The following EXOC2 variants were observed in gnomAD, a reference collection of about 807,000 sequenced individuals.
EXOC2 encodes the protein SEC5-like 1.
In EXOC2, 70 loss-of-function variants were observed where a neutral mutation model predicts 131.8. That is an observed-to-expected ratio of 0.53 (90% CI 0.44 to 0.65). The LOEUF is 0.65. Among genes scored for constraint, EXOC2 ranks in the 30% least tolerant of loss-of-function variants. The probability of loss-of-function intolerance (pLI) is 0.00; values close to 1 mark genes in which losing one functional copy is unlikely to be tolerated. For synonymous variants in EXOC2, 411 were observed against 398.4 expected (o/e 1.03, Z -0.38); for missense variants, 923 against 1,108.6 (o/e 0.83, Z 2.38).
intron 17 of EXOC2, among the ~76,000 whole-genome samples, chr6:559,073 T>C (rs1262799535): frequency 1.3e-5 from 2 of 152,218 alleles, no homozygotes; most frequent in Non-Finnish European, 2.9e-5. Flanking sequence ...CAGTGAGTCA[T>C]CCAATTTAGA....
chr6:539,997 C>T (rs948065521), intron 22 of EXOC2, among the ~76,000 whole-genome samples: 2 of 152,166 alleles, frequency 1.3e-5, no homozygotes, highest in Admixed American at 6.5e-5. Context: ...GAAGTATTAA[C>T]ACAAAAAAGA....
chr6:659,915 G>C (rs1247930369), intron 1 of EXOC2, among the ~76,000 whole-genome samples: 1 of 151,138 alleles, frequency 6.6e-6, no homozygotes, highest in East Asian at 1.9e-4. Context: ...GGCGGGGACA[G>C]AACCCAGCCT....
At chr6:536,157 T>A (rs1017714366) in intron 22 of EXOC2, among the ~76,000 whole-genome samples, 1 of 152,020 alleles carries the variant, frequency 6.6e-6, no homozygotes, top group Non-Finnish European at 1.5e-5. Flanking sequence ...ATACCAGAGG[T>A]CCTAGTCCAT....
Position 629,882 on chromosome 6 carries a change from C to A in EXOC2, c.375G>T (p.Pro125=), listed in dbSNP as rs59477170. 1 of 1,614,050 alleles carries A rather than the reference C, an allele frequency of 6.2e-7. No homozygotes were observed. Among genetic ancestry groups the A allele is most frequent in the Admixed American group, 1.7e-5 (1 of 60,016 alleles). Residue 125 remains proline (P), a synonymous_variant, in exon 4 of 28, where the codon CCG becomes CCT. Coordinates refer to ENST00000230449, the MANE Select transcript of EXOC2 (RefSeq NM_018303.6). ...GGTTAGCAGGACGTAAGGACAAGGG[C>A]GGAATTCCTTTGTTCCTGTCAGTGC... ...DMRTDRNKGI[P]PLSLRPANPL... is the part of the protein sequence containing the mutation.
intron 11 of EXOC2, among the ~76,000 whole-genome samples, chr6:591,287 C>T (rs942818427): frequency 1.3e-5 from 2 of 152,074 alleles, no homozygotes; most frequent in African/African-American, 4.8e-5. Context: ...GCTTAAAATC[C>T]GTCAGCGACT....
At chr6:575,269 C>T (rs572324188) in intron 12 of EXOC2, among the ~76,000 whole-genome samples, 34 of 152,142 alleles carry the variant, frequency 2.2e-4, no homozygotes, top group South Asian at 1.2e-3. Context: ...GGATTAGAGA[C>T]GAGTTGTTTA....
At chr6:627,048 G>A (rs563517419) in intron 4 of EXOC2, among the ~76,000 whole-genome samples, 1 of 151,956 alleles carries the variant, frequency 6.6e-6, no homozygotes, top group South Asian at 2.1e-4. Context: ...AAAGACAGTA[G>A]GGATCCTGAC....
At chr6:523,494 C>T (rs566958066) in intron 23 of EXOC2, among the ~76,000 whole-genome samples, 1 of 152,338 alleles carries the variant, frequency 6.6e-6, no homozygotes, top group South Asian at 2.1e-4. Flanking sequence ...AATGTACTTT[C>T]TATCTGTACA....
intron 4 of EXOC2, among the ~76,000 whole-genome samples, chr6:622,520 T>C (rs1221627331): frequency 6.6e-6 from 1 of 152,116 alleles, no homozygotes; most frequent in African/African-American, 2.4e-5. Flanking sequence ...GAGCTGATGA[T>C]GTGAAGAAAG....
chr6:606,313 T>A (rs1760409072), intron 7 of EXOC2, among the ~76,000 whole-genome samples: 1 of 152,154 alleles, frequency 6.6e-6, no homozygotes. Flanking sequence ...ATATACCTAA[T>A]GTAAATGACG....
At chr6:593,649 A>G (rs537754739) in intron 10 of EXOC2, among the ~76,000 whole-genome samples, 1 of 152,376 alleles carries the variant, frequency 6.6e-6, no homozygotes, top group South Asian at 2.1e-4. Flanking sequence ...AATCAACTCC[A>G]AAAGCATGTC....
In EXOC2 at chr6:656,472, C is replaced by A. The variant is rs759841851; in HGVS notation, c.-43-18611G>T. 3.1e-6 allele frequency: 5 copies of A among 1,611,330 alleles called. No individual in the cohort carries two copies. The South Asian group carries it at 4.4e-5, about 14-fold the overall frequency. On this transcript the variant is annotated intron_variant, in intron 1 of 27. Transcript: ENST00000230449. ...CCTCAGCGTCCTCCAGCGCGGCAGG[C>A]GGATGCTCGCGTCGGAGGCGCGCAG... is the stretch of plus-strand genomic sequence containing the variant.
chr6:558,837 A>G (rs1757558540), intron 17 of EXOC2, among the ~76,000 whole-genome samples: 1 of 152,048 alleles, frequency 6.6e-6, no homozygotes, highest in African/African-American at 2.4e-5. Flanking sequence ...TAAAAAAAAA[A>G]TAAGTAAATG....
chr6:564,434 G>A, intron 15 of EXOC2, 111 bp downstream of exon 15: 1 of 1,442,438 alleles, frequency 6.9e-7, no homozygotes, highest in Admixed American at 1.9e-5. Flanking sequence ...GGAGGCAAAA[G>A]GACAAAAAGA....
At chr6:545,577 T>C (rs1204890089) in intron 22 of EXOC2, among the ~76,000 whole-genome samples, 1 of 152,182 alleles carries the variant, frequency 6.6e-6, no homozygotes, top group Admixed American at 6.5e-5. Context: ...GAAAAAGGCA[T>C]GCAAATTAAA....
chr6:672,693 G>A (rs547246279), intron 1 of EXOC2, among the ~76,000 whole-genome samples: 2 of 152,246 alleles, frequency 1.3e-5, no homozygotes, highest in African/African-American at 4.8e-5. Flanking sequence ...AGTTTGTTTA[G>A]CTTTTTCCTT....
intron 3 of EXOC2, among the ~76,000 whole-genome samples, chr6:630,852 C>A (rs542419031): frequency 6.6e-6 from 1 of 152,184 alleles, no homozygotes; most frequent in Non-Finnish European, 1.5e-5. Context: ...TTTCAAGGAA[C>A]GCATGGCTTG....
intron 1 of EXOC2, among the ~76,000 whole-genome samples, chr6:677,794 C>A (rs1764214170): frequency 6.6e-6 from 1 of 152,090 alleles, no homozygotes; most frequent in Non-Finnish European, 1.5e-5. Context: ...TATGTTCTTG[C>A]CATGCAATAA....
intron 1 of EXOC2, among the ~76,000 whole-genome samples, chr6:674,688 A>G (rs997027642): frequency 6.6e-5 from 10 of 151,912 alleles, no homozygotes; most frequent in African/African-American, 2.4e-4. Flanking sequence ...TGTGGTACAA[A>G]AAGTCCTGGC....
Sources: allele counts gnomAD v4.1 joint callset (sites outside exome capture counted in the v4.1 genomes callset), GRCh38; gene constraint gnomAD v4.1.1; transcripts MANE v1.5; gene names NCBI Gene and HGNC (gene_info 2026-07-23, HGNC 2026-07-21).